The following WIPF3 variants were observed in gnomAD, a reference collection of about 807,000 sequenced individuals.
WIPF3 encodes WAS/WASL-interacting protein family member 3.
In WIPF3, 33 loss-of-function variants were observed where a neutral mutation model predicts 38.9. The observed-to-expected ratio is 0.85, with a 90% CI of 0.64 to 1.14. The LOEUF (loss-of-function observed/expected upper bound fraction) is 1.14. Ranked by LOEUF, WIPF3 falls within the 50% of genes most tolerant of loss-of-function variation. The probability of loss-of-function intolerance (pLI) is 0.00; values close to 1 mark genes in which losing one functional copy is unlikely to be tolerated. For synonymous variants in WIPF3, 324 were observed against 269.3 expected, an observed-to-expected ratio of 1.20 and a Z score of -1.99; for missense variants, 711 against 652.5, an observed-to-expected ratio of 1.09 and a Z score of -0.98.
intron 1 of WIPF3, among the ~76,000 whole-genome samples, chr7:29,810,321 C>G (rs1427691067): frequency 2.6e-5 from 4 of 152,236 alleles, no homozygotes; most frequent in African/African-American, 9.6e-5. Context: ...CTGACTCTCT[C>G]TTATTGCACC....
In WIPF3 at chr7:29,860,100, A is replaced by T. The variant is rs192131979; in HGVS notation, c.91-15730A>T. The stretch of plus-strand genomic sequence containing the variant: ...TAAACTCTGTGCTTAGTGAATTTTG[A>T]CTTAAGTCTGTGGATGTCTGATCTG... On this transcript the variant is annotated intron_variant, in intron 2 of 8. Coordinates refer to ENST00000242140, the MANE Select transcript of WIPF3 (RefSeq NM_001080529.3). 1.2e-4 allele frequency among the ~76,000 whole-genome samples: 18 copies of T among 152,252 alleles called. No homozygotes were observed. In the East Asian group the frequency reaches 3.5e-3, roughly 29 times the overall value.
At chr7:29,889,589 A>G (rs946166525) in intron 7 of WIPF3, among the ~76,000 whole-genome samples, 182 bp downstream of exon 7, 2 of 152,152 alleles carry the variant, frequency 1.3e-5, no homozygotes, top group Non-Finnish European at 2.9e-5. Flanking sequence ...CCTGATACCT[A>G]AGTGTTCATT....
chr7:29,895,905 C>A (rs1417607197), intron 7 of WIPF3, among the ~76,000 whole-genome samples: 1 of 152,156 alleles, frequency 6.6e-6, no homozygotes, highest in Non-Finnish European at 1.5e-5. Context: ...GGTGGGGACA[C>A]GTATTCAAAC....
chr7:29,877,037 CTT>C (rs1323683279), intron 3 of WIPF3, among the ~76,000 whole-genome samples: 1 of 152,030 alleles, frequency 6.6e-6, no homozygotes, highest in Non-Finnish European at 1.5e-5. Flanking sequence ...AAATCTGAAA[CTT>C]TTTGAATGTC....
chr7:29,887,956 C>G (rs1785916309), intron 5 of WIPF3, 112 bp from the exon 6 acceptor site: 1 of 1,378,112 alleles, frequency 7.3e-7, no homozygotes, highest in Admixed American at 2.2e-5. Flanking sequence ...TGCCCTTTTA[C>G]TCGCTGTATC....
intron 8 of WIPF3, among the ~76,000 whole-genome samples, chr7:29,907,439 T>C (rs1786419456): frequency 6.6e-6 from 1 of 152,236 alleles, no homozygotes; most frequent in Non-Finnish European, 1.5e-5. Context: ...CAAATTATAG[T>C]CTTACAACTT....
chr7:29,904,582 C>A, intron 8 of WIPF3: 1 of 517,318 alleles, frequency 1.9e-6, no homozygotes, highest in Non-Finnish European at 3.4e-6. Flanking sequence ...GGAATCACCA[C>A]TACATATAGA....
intron 2 of WIPF3, among the ~76,000 whole-genome samples, chr7:29,853,556 G>A (rs894577798): frequency 6.6e-6 from 1 of 152,200 alleles, no homozygotes; most frequent in Non-Finnish European, 1.5e-5. Context: ...AGTAGCAATG[G>A]CCTTCTCTGA....
intron 7 of WIPF3, among the ~76,000 whole-genome samples, chr7:29,892,408 T>C (rs879933287): frequency 6.6e-6 from 1 of 152,212 alleles, no homozygotes; most frequent in Non-Finnish European, 1.5e-5. Context: ...TCTAACAGTC[T>C]GTGTCCTGCC....
intron 8 of WIPF3, among the ~76,000 whole-genome samples, chr7:29,914,039 C>T (rs1221434743): frequency 6.6e-6 from 1 of 152,164 alleles, no homozygotes; most frequent in Non-Finnish European, 1.5e-5. Context: ...ATTGAGAAAT[C>T]ACTGGGTTCT....
chr7:29,843,438 G>T (rs1405721725), intron 2 of WIPF3, among the ~76,000 whole-genome samples: 1 of 152,188 alleles, frequency 6.6e-6, no homozygotes, highest in Non-Finnish European at 1.5e-5. Context: ...TTTCATAGGA[G>T]CCCGGAGCAT....
At chr7:29,852,276 C>T (rs1277914368) in intron 2 of WIPF3, among the ~76,000 whole-genome samples, 1 of 152,220 alleles carries the variant, frequency 6.6e-6, no homozygotes, top group Non-Finnish European at 1.5e-5. Flanking sequence ...AAAGCATAGG[C>T]ATGAGCCACG....
intron 8 of WIPF3, chr7:29,904,644 A>G (rs1334591294): frequency 2.9e-5 from 11 of 383,358 alleles, no homozygotes; most frequent in Admixed American, 8.6e-5. Flanking sequence ...ATCACTTCCC[A>G]TTCTTCCTTG....
At position 29,911,405 on chromosome 7, in the gene WIPF3, C is replaced by G. The variant is rs575327130; in HGVS notation, c.1429-3088C>G. ...ACATTTTCTTCAGAAATAGAAAAAC[C>G]CAGAATCCTAAAAGAAGAATCCTAA... On this transcript the variant is annotated intron_variant, in intron 8 of 8. Coordinates refer to ENST00000242140, the MANE Select transcript of WIPF3 (RefSeq NM_001080529.3). Among the ~76,000 whole-genome samples the G allele has an allele frequency of 5.5e-4, 84 of 152,040 alleles. 1 individual carries two copies. Among genetic ancestry groups the G allele is most frequent in the Non-Finnish European group, 8.7e-4 (59 of 67,932 alleles).
chr7:29,905,205 C>T (rs1260491268), intron 8 of WIPF3: 4 of 152,204 alleles, frequency 2.6e-5, no homozygotes, highest in African/African-American at 9.7e-5. Context: ...TAAGTATCCC[C>T]CTTTTCTAAC....
At chr7:29,849,698 C>T (rs989558652) in intron 2 of WIPF3, among the ~76,000 whole-genome samples, 4 of 151,948 alleles carry the variant, frequency 2.6e-5, no homozygotes, top group Non-Finnish European at 4.4e-5. Context: ...GTGTGTGTTG[C>T]GGCTTTAAAA....
intron 4 of WIPF3, among the ~76,000 whole-genome samples, chr7:29,880,127 A>G (rs887263978): frequency 1.3e-5 from 2 of 152,180 alleles, no homozygotes. Flanking sequence ...AAAATTGAAC[A>G]AATACAAATT....
chr7:29,891,658 G>A (rs374586320), intron 7 of WIPF3, among the ~76,000 whole-genome samples: 10 of 152,152 alleles, frequency 6.6e-5, no homozygotes, highest in Admixed American at 2.6e-4. Flanking sequence ...CACATGAACC[G>A]CCTGTCATAC....
chr7:29,876,157 C>T (rs1785592711), intron 3 of WIPF3, among the ~76,000 whole-genome samples, 195 bp downstream of exon 3: 1 of 152,236 alleles, frequency 6.6e-6, no homozygotes, highest in Non-Finnish European at 1.5e-5. Context: ...TGGTTTAGAG[C>T]ATAACTTCCA....
Sources: gnomAD v4.1 joint callset for allele counts (sites outside exome capture counted in the v4.1 genomes callset) on GRCh38, gnomAD v4.1.1 for gene constraint, MANE v1.5 for transcripts, NCBI Gene and HGNC (gene_info 2026-07-23, HGNC 2026-07-21) for gene names.